Variants in RABGAP1L observed in about 807,000 individuals in gnomAD.
RABGAP1L encodes RAB GTPase activating protein 1 like, also known as rab GTPase-activating protein 1-like.
A neutral mutation model predicts 137.7 loss-of-function variants in RABGAP1L; 63 were observed. The observed-to-expected ratio is 0.46, with a 90% confidence interval of 0.37 to 0.56. The LOEUF is 0.56. Among genes scored for constraint, RABGAP1L ranks in the 20% least tolerant of loss-of-function variants. RABGAP1L has a pLI of 0.00. For missense variants in RABGAP1L, 1,095 were observed against 1,244.0 expected (o/e 0.88, Z 1.80); for synonymous variants, 431 against 433.7 (o/e 0.99, Z 0.08).
intron 11 of RABGAP1L, 21 bp downstream of exon 11, chr1:174,305,148 A>G: frequency 2.0e-6 from 3 of 1,509,820 alleles, no homozygotes; most frequent in Non-Finnish European, 2.6e-6. Flanking sequence ...GGACTTACTC[A>G]GTTTATTCTG....
chr1:174,163,969 A>G (rs975380056), intron 1 of RABGAP1L, among the ~76,000 whole-genome samples: 3 of 152,190 alleles, frequency 2.0e-5, no homozygotes, highest in Non-Finnish European at 4.4e-5. Flanking sequence ...GGGAAACATC[A>G]GGCATGGAAC....
intron 19 of RABGAP1L, among the ~76,000 whole-genome samples, chr1:174,931,816 T>G (rs1437214143): frequency 6.6e-6 from 1 of 152,122 alleles, no homozygotes; most frequent in African/African-American, 2.4e-5. Context: ...TTACTTCCTG[T>G]TTGAACCTAC....
chr1:174,887,491 T>G (rs1236391448), intron 19 of RABGAP1L, among the ~76,000 whole-genome samples: 1 of 152,164 alleles, frequency 6.6e-6, no homozygotes, highest in Non-Finnish European at 1.5e-5. Context: ...TGGCACTCTT[T>G]TTTCCCCATC....
chr1:174,279,555 T>C (rs939703215), intron 10 of RABGAP1L, among the ~76,000 whole-genome samples: 17 of 152,256 alleles, frequency 1.1e-4, no homozygotes, highest in Admixed American at 8.5e-4. Context: ...GAAACAAATA[T>C]AGAAGCCTCT....
At chr1:174,672,091 T>G (rs1450190463) in intron 14 of RABGAP1L, among the ~76,000 whole-genome samples, 1 of 152,126 alleles carries the variant, frequency 6.6e-6, no homozygotes, top group Non-Finnish European at 1.5e-5. Flanking sequence ...TTATCCATTC[T>G]AAGTTATCTA....
chr1:174,636,560 A>G (rs974074159), intron 13 of RABGAP1L, among the ~76,000 whole-genome samples: 2 of 151,758 alleles, frequency 1.3e-5, no homozygotes, highest in Non-Finnish European at 1.5e-5. Context: ...ATCTTAATAT[A>G]GTAGCCTGTA....
intron 11 of RABGAP1L, among the ~76,000 whole-genome samples, chr1:174,309,055 A>G (rs1168514211): frequency 2.6e-5 from 4 of 152,066 alleles, no homozygotes; most frequent in South Asian, 2.1e-4. Flanking sequence ...TCTGTCATCA[A>G]TGTCTTATAG....
intron 19 of RABGAP1L, among the ~76,000 whole-genome samples, chr1:174,903,491 G>A (rs908285024): frequency 6.6e-6 from 1 of 152,160 alleles, no homozygotes; most frequent in Non-Finnish European, 1.5e-5. Context: ...ACTTTGTAAT[G>A]TATGACAGTG....
At chr1:174,907,524 A>G (rs1659296875) in intron 19 of RABGAP1L, among the ~76,000 whole-genome samples, 1 of 152,040 alleles carries the variant, frequency 6.6e-6, no homozygotes, top group Admixed American at 6.6e-5. Context: ...CATGTTGCCC[A>G]GGCTGGTCAC....
At chr1:174,296,481 T>A (rs2148736954) in intron 10 of RABGAP1L, among the ~76,000 whole-genome samples, 1 of 152,366 alleles carries the variant, frequency 6.6e-6, no homozygotes, top group East Asian at 1.9e-4. Flanking sequence ...TGGACTCAAG[T>A]GTAAAAACTG....
At chr1:174,598,050 G>T (rs1300827147) in intron 13 of RABGAP1L, among the ~76,000 whole-genome samples, 1 of 152,018 alleles carries the variant, frequency 6.6e-6, no homozygotes, top group Non-Finnish European at 1.5e-5. Flanking sequence ...AACATTTTAG[G>T]CCAGGTGTGG....
intron 19 of RABGAP1L, among the ~76,000 whole-genome samples, chr1:174,946,636 C>T (rs999698782): frequency 3.3e-5 from 5 of 151,902 alleles, no homozygotes; most frequent in Non-Finnish European, 5.9e-5. Flanking sequence ...CACTGTGGCT[C>T]ACGCCTGTCA....
At position 174,952,468 on chromosome 1, in the gene RABGAP1L, G is replaced by A. The variant is rs371030862; in HGVS notation, c.2341-4989G>A. ...TGGGGCTGCAGTGTGCTGTGATTGC[G>A]CCACTGCACTCCAGCCTGAGCAACA... On this transcript the variant is annotated intron_variant, in intron 19 of 25. Transcript: ENST00000681986. 2.9e-4 allele frequency among the ~76,000 whole-genome samples: 44 copies of A among 151,136 alleles called. No individual in the cohort carries two copies. In the East Asian group the frequency reaches 3.5e-3, roughly 12 times the overall value.
intron 3 of RABGAP1L, among the ~76,000 whole-genome samples, chr1:174,226,625 T>C (rs1244905355): frequency 6.6e-6 from 1 of 152,348 alleles, no homozygotes; most frequent in Admixed American, 6.5e-5. Flanking sequence ...TTGTGTTTTC[T>C]TAATGAATTG....
chr1:174,460,502 A>G (rs1011612436), intron 13 of RABGAP1L, among the ~76,000 whole-genome samples: 1 of 152,056 alleles, frequency 6.6e-6, no homozygotes, highest in Non-Finnish European at 1.5e-5. Context: ...ATTATTGCAT[A>G]TTGTTTATGA....
chr1:174,598,093 G>A (rs1234927180), intron 13 of RABGAP1L, among the ~76,000 whole-genome samples: 3 of 152,066 alleles, frequency 2.0e-5, no homozygotes, highest in African/African-American at 7.2e-5. Flanking sequence ...AACTTTGAGA[G>A]GCCGATGGGG....
At chr1:174,248,703 A>G (rs1005759012) in intron 5 of RABGAP1L, among the ~76,000 whole-genome samples, 5 of 152,206 alleles carry the variant, frequency 3.3e-5, no homozygotes, top group African/African-American at 1.2e-4. Context: ...ATGTGAATAA[A>G]ACAAAGGAAA....
At chr1:174,871,773 C>T (rs768958416) in intron 19 of RABGAP1L, among the ~76,000 whole-genome samples, 6 of 152,052 alleles carry the variant, frequency 3.9e-5, no homozygotes, top group South Asian at 4.1e-4. Flanking sequence ...ATTAATGTAT[C>T]GTTATTTGTA....
intron 1 of RABGAP1L, among the ~76,000 whole-genome samples, chr1:174,210,723 T>C (rs926847706): frequency 1.3e-5 from 2 of 152,004 alleles, no homozygotes; most frequent in Non-Finnish European, 2.9e-5. Flanking sequence ...CAGAAAGATA[T>C]CAATATCCAA....
Sources: gnomAD v4.1 joint callset for allele counts (sites outside exome capture counted in the v4.1 genomes callset) on GRCh38, gnomAD v4.1.1 for gene constraint, MANE v1.5 for transcripts, NCBI Gene and HGNC (gene_info 2026-07-23, HGNC 2026-07-21) for gene names.